The following KCNK2 variants were observed in gnomAD, a reference collection of about 807,000 sequenced individuals.
KCNK2 encodes the protein potassium channel subfamily K member 2.
A neutral mutation model predicts 40.5 loss-of-function variants in KCNK2; 21 were observed. The observed-to-expected ratio is 0.52, with a 90% CI of 0.37 to 0.75. KCNK2 has a LOEUF of 0.75. Among genes scored for constraint, KCNK2 ranks in the 30% least tolerant of loss-of-function variants. The pLI is 0.00. For synonymous variants in KCNK2, 191 were observed against 202.2 expected (o/e 0.94, Z 0.47); for missense variants, 399 against 531.6 (o/e 0.75, Z 2.45).
chr1:215,071,423 G>A (rs897216092), intron 1 of KCNK2, among the ~76,000 whole-genome samples: 1 of 152,158 alleles, frequency 6.6e-6, no homozygotes, highest in Non-Finnish European at 1.5e-5. Context: ...CTTCAGTTGT[G>A]ATTTCCGAGC....
chr1:215,019,309 C>T (rs1320214026), intron 1 of KCNK2, among the ~76,000 whole-genome samples: 1 of 152,146 alleles, frequency 6.6e-6, no homozygotes, highest in Non-Finnish European at 1.5e-5. Flanking sequence ...ACTTCAAAAA[C>T]AGCATGTTGC....
chr1:215,163,469 G>A (rs968474666), intron 3 of KCNK2, among the ~76,000 whole-genome samples: 2 of 152,124 alleles, frequency 1.3e-5, no homozygotes, highest in African/African-American at 4.8e-5. Flanking sequence ...AATAGGAGTG[G>A]TGAGAGAGGG....
chr1:215,049,356 C>T (rs941693455), intron 1 of KCNK2, among the ~76,000 whole-genome samples: 1 of 152,124 alleles, frequency 6.6e-6, no homozygotes, highest in Non-Finnish European at 1.5e-5. Context: ...ATTTTGTTTA[C>T]ACTGTTTTGA....
chr1:215,005,976 C>G, intron 1 of KCNK2: 1 of 1,602,376 alleles, frequency 6.2e-7, no homozygotes, highest in Non-Finnish European at 8.6e-7. Flanking sequence ...TTGCAATAAT[C>G]AAGTACCTTA....
intron 2 of KCNK2, among the ~76,000 whole-genome samples, chr1:215,087,861 A>C (rs948525631): frequency 3.3e-5 from 5 of 152,178 alleles, no homozygotes; most frequent in African/African-American, 1.2e-4. Context: ...TAGTCCTCTC[A>C]ATTTACAGCA....
chr1:215,131,201 A>T (rs1344575876), intron 3 of KCNK2, among the ~76,000 whole-genome samples: 1 of 151,356 alleles, frequency 6.6e-6, no homozygotes, highest in Non-Finnish European at 1.5e-5. Context: ...CTTATCAGTT[A>T]AACTATGGGA....
intron 5 of KCNK2, among the ~76,000 whole-genome samples, chr1:215,193,823 T>TTCTACTTATTGG (rs1370542189): frequency 6.6e-6 from 1 of 152,214 alleles, no homozygotes; most frequent in African/African-American, 2.4e-5. Context: ...TCTACTTATC[T>TTCTACTTATTGG]GCTCTTTGGC....
chr1:215,083,554 C>G, intron 1 of KCNK2, 123 bp downstream of exon 1: 1 of 753,542 alleles, frequency 1.3e-6, no homozygotes, highest in Non-Finnish European at 2.3e-6. Flanking sequence ...CGCTTCGCGT[C>G]CAAAGTGTTG....
intron 5 of KCNK2, among the ~76,000 whole-genome samples, chr1:215,181,061 C>T (rs10864158): frequency 0.53 from 80,879 of 151,938 alleles, 24,621 homozygotes; most frequent in Non-Finnish European, 0.68. Flanking sequence ...TTACTTCTTA[C>T]AATTCTTTTT....
At chr1:215,021,927 C>T (rs1003443221) in intron 1 of KCNK2, among the ~76,000 whole-genome samples, 4 of 152,116 alleles carry the variant, frequency 2.6e-5, no homozygotes, top group Non-Finnish European at 5.9e-5. Flanking sequence ...ACCAGCAGTA[C>T]TCAGTTTCTT....
intron 1 of KCNK2, chr1:215,005,997 A>C (rs1463568317): frequency 6.5e-7 from 1 of 1,530,054 alleles, no homozygotes; most frequent in African/African-American, 1.4e-5. Flanking sequence ...TTTGTTTTCA[A>C]ATTTTCTAGA....
intron 3 of KCNK2, among the ~76,000 whole-genome samples, chr1:215,158,542 A>C (rs1663031862): frequency 6.6e-6 from 1 of 152,170 alleles, no homozygotes; most frequent in Non-Finnish European, 1.5e-5. Context: ...TATTTCTAGC[A>C]ATGCCACAGG....
At chr1:215,196,874 T>C (rs1664888821) in intron 6 of KCNK2, among the ~76,000 whole-genome samples, 1 of 152,198 alleles carries the variant, frequency 6.6e-6, no homozygotes, top group Non-Finnish European at 1.5e-5. Context: ...AATCTGGCTT[T>C]CAAATGGATT....
intron 1 of KCNK2, among the ~76,000 whole-genome samples, chr1:215,028,661 CTATTA>C (rs1657079975): frequency 1.3e-5 from 2 of 151,866 alleles, no homozygotes; most frequent in African/African-American, 4.8e-5. Context: ...CATGTTTGAC[CTATTA>C]TATTCAGTGA....
At chr1:215,178,188 C>T (rs1424281715) in intron 5 of KCNK2, among the ~76,000 whole-genome samples, 1 of 152,040 alleles carries the variant, frequency 6.6e-6, no homozygotes, top group East Asian at 1.9e-4. Context: ...ATACAAAATG[C>T]TACTGATTTT....
intron 2 of KCNK2, among the ~76,000 whole-genome samples, chr1:215,119,681 ATAT>A (rs1474261479): frequency 6.6e-6 from 1 of 152,176 alleles, no homozygotes; most frequent in African/African-American, 2.4e-5. Context: ...TTAGGATGAA[ATAT>A]ATAGGATTCC....
At chr1:215,197,581 C>T (rs1664917377) in intron 6 of KCNK2, among the ~76,000 whole-genome samples, 1 of 152,170 alleles carries the variant, frequency 6.6e-6, no homozygotes, top group South Asian at 2.1e-4. Context: ...TCTTTAAAGC[C>T]GTGTCTCCAA....
At chr1:215,112,620 C>A (rs554467604) in intron 2 of KCNK2, among the ~76,000 whole-genome samples, 5 of 152,130 alleles carry the variant, frequency 3.3e-5, no homozygotes, top group Non-Finnish European at 7.4e-5. Flanking sequence ...CTGGCTCACC[C>A]AGAACAACTT....
At chr1:215,011,530 AAT>A (rs1421798881) in intron 1 of KCNK2, among the ~76,000 whole-genome samples, 1 of 152,076 alleles carries the variant, frequency 6.6e-6, no homozygotes. Context: ...AGGACTCAAG[AAT>A]CTACCTGCCT....
Sources: allele counts gnomAD v4.1 joint callset (sites outside exome capture counted in the v4.1 genomes callset), GRCh38; gene constraint gnomAD v4.1.1; transcripts MANE v1.5; gene names NCBI Gene and HGNC (gene_info 2026-07-23, HGNC 2026-07-21).